CCDC7: variants seen among roughly 807,000 people sequenced by gnomAD.
CCDC7 encodes coiled-coil domain-containing protein 7.
A neutral mutation model predicts 196.9 loss-of-function variants in CCDC7; 183 were observed. The observed-to-expected ratio is 0.93, with a 90% confidence interval of 0.82 to 1.05. The LOEUF (loss-of-function observed/expected upper bound fraction) is 1.05, where lower values mean the gene tolerates loss of function less well. Among genes scored for constraint, CCDC7 ranks in the 50% least tolerant of loss-of-function variants. The pLI, the probability that CCDC7 is intolerant of heterozygous loss-of-function variation, is 0.00. For synonymous variants in CCDC7, 525 were observed against 484.6 expected, an observed-to-expected ratio of 1.08 and a Z score of -1.10; for missense variants, 1,540 against 1,482.2, an observed-to-expected ratio of 1.04 and a Z score of -0.64.
At chr10:32,704,809 A>G (rs941318090) in intron 24 of CCDC7, among the ~76,000 whole-genome samples, 1 of 152,124 alleles carries the variant, frequency 6.6e-6, no homozygotes, top group Admixed American at 6.5e-5. Context: ...GCACTCTCCG[A>G]GCCAGGCGCG....
At chr10:32,737,659 T>G (rs1253425378) in intron 28 of CCDC7, among the ~76,000 whole-genome samples, 1 of 152,220 alleles carries the variant, frequency 6.6e-6, no homozygotes, top group Non-Finnish European at 1.5e-5. Context: ...GTCTGTTTTC[T>G]TTGCAGTCCC....
At chr10:32,579,206 T>A (rs1435012563) in intron 16 of CCDC7, among the ~76,000 whole-genome samples, 1 of 152,186 alleles carries the variant, frequency 6.6e-6, no homozygotes, top group African/African-American at 2.4e-5. Context: ...GTTTCAGTAG[T>A]CCACTATGGA....
At chr10:32,665,847 AT>A (rs1320724956) in intron 21 of CCDC7, among the ~76,000 whole-genome samples, 1 of 151,942 alleles carries the variant, frequency 6.6e-6, no homozygotes, top group Non-Finnish European at 1.5e-5. Context: ...ATATCTTTTT[AT>A]TTATTTGTGC....
chr10:32,714,691 G>A (rs1252541916), intron 25 of CCDC7, among the ~76,000 whole-genome samples: 5 of 152,174 alleles, frequency 3.3e-5, no homozygotes, highest in African/African-American at 7.2e-5. Flanking sequence ...GTCAACCTGG[G>A]ATGCTCAAGC....
At chr10:32,563,871 A>G (rs1190920062) in intron 13 of CCDC7, among the ~76,000 whole-genome samples, 1 of 151,834 alleles carries the variant, frequency 6.6e-6, no homozygotes, top group Non-Finnish European at 1.5e-5. Flanking sequence ...GCAACCTACA[A>G]AATGGGAGAA....
intron 11 of CCDC7, among the ~76,000 whole-genome samples, chr10:32,526,552 C>A (rs1273605167): frequency 6.6e-6 from 1 of 152,122 alleles, no homozygotes; most frequent in African/African-American, 2.4e-5. Context: ...TGTCTCAGAG[C>A]CCAGGCCCAC....
intron 18 of CCDC7, among the ~76,000 whole-genome samples, chr10:32,625,436 A>C (rs1057120813): frequency 6.6e-6 from 1 of 151,452 alleles, no homozygotes; most frequent in Non-Finnish European, 1.5e-5. Flanking sequence ...TTAAATTTTT[A>C]AATTTTATTT....
At chr10:32,548,452 T>G (rs2052881554) in intron 13 of CCDC7, among the ~76,000 whole-genome samples, 1 of 152,054 alleles carries the variant, frequency 6.6e-6, no homozygotes, top group South Asian at 2.1e-4. Flanking sequence ...GAACTACTGA[T>G]TAGAACTGGT....
intron 25 of CCDC7, among the ~76,000 whole-genome samples, chr10:32,724,830 C>T (rs1315040681): frequency 6.6e-6 from 1 of 152,034 alleles, no homozygotes; most frequent in East Asian, 1.9e-4. Flanking sequence ...CATGGTTGGC[C>T]TGGAGAGATC....
At chr10:32,470,081 C>T (rs1226604356) in intron 5 of CCDC7, among the ~76,000 whole-genome samples, 1 of 152,130 alleles carries the variant, frequency 6.6e-6, no homozygotes, top group Non-Finnish European at 1.5e-5. Flanking sequence ...CTTGCCATAT[C>T]TTCCCTATAC....
At chr10:32,799,767 C>T (rs2084387593) in intron 29 of CCDC7, among the ~76,000 whole-genome samples, 1 of 152,242 alleles carries the variant, frequency 6.6e-6, no homozygotes, top group Non-Finnish European at 1.5e-5. Context: ...TGCTACTTCT[C>T]ACTCTCTGGA....
chr10:32,757,251 C>T (rs1021231297), intron 28 of CCDC7, among the ~76,000 whole-genome samples: 2 of 152,140 alleles, frequency 1.3e-5, no homozygotes, highest in Non-Finnish European at 2.9e-5. Flanking sequence ...ACCAAGTGGA[C>T]CTAATAGACA....
intron 41 of CCDC7, among the ~76,000 whole-genome samples, chr10:32,867,900 T>C (rs1042122569): frequency 1.8e-4 from 28 of 151,850 alleles, no homozygotes; most frequent in African/African-American, 4.8e-5. Context: ...ACTGAAACTC[T>C]CCCCATTAAA....
chr10:32,551,316 G>T (rs1276605868), intron 13 of CCDC7, among the ~76,000 whole-genome samples: 1 of 151,954 alleles, frequency 6.6e-6, no homozygotes, highest in African/African-American at 2.4e-5. Context: ...CTTGTTAATG[G>T]TCGATCAGTT....
At position 32,477,552 on chromosome 10, in the gene CCDC7, G is replaced by GTT. The variant is rs35299864; in HGVS notation, c.796+3541_796+3542dup. On this transcript the variant is annotated intron_variant, in intron 8 of 41. Coordinates refer to ENST00000639629, the Ensembl canonical transcript of CCDC7. ...TGTAAAGTCTATGTCTAGAGTCATT[G>GTT]TTTTTTTTTTTTTGCATTTGGATGT... 1.0e-3 allele frequency among the ~76,000 whole-genome samples: 149 copies of GTT among 142,272 alleles called. 1 individual carries two copies. The highest frequency in any genetic ancestry group is 2.1e-3 in the Non-Finnish European group (133 of 64,608). The allele number at this position is 142,272 out of a possible 152,430, so 93.3% of individuals were successfully genotyped here. A position where few individuals can be genotyped will look rare whatever the true frequency, so the allele number is the denominator to read the frequency against.
chr10:32,706,670 C>T (rs1050369242), intron 24 of CCDC7, among the ~76,000 whole-genome samples: 6 of 150,746 alleles, frequency 4.0e-5, no homozygotes, highest in Non-Finnish European at 7.4e-5. Context: ...TACAAACTAC[C>T]ATCAGAGAAT....
At chr10:32,867,417 CATCTACATATGA>C (rs2094240962) in intron 41 of CCDC7, among the ~76,000 whole-genome samples, 1 of 151,226 alleles carries the variant, frequency 6.6e-6, no homozygotes, top group Non-Finnish European at 1.5e-5. Context: ...ATAACACATA[CATCTACATATGA>C]ACATAGAGAA....
intron 21 of CCDC7, among the ~76,000 whole-genome samples, chr10:32,679,781 TAGTG>T (rs2075585160): frequency 6.6e-6 from 1 of 152,160 alleles, no homozygotes; most frequent in South Asian, 2.1e-4. Flanking sequence ...CTTCCTCTGG[TAGTG>T]AGACATTTTC....
chr10:32,638,127 T>G (rs1305596780), intron 20 of CCDC7, among the ~76,000 whole-genome samples: 1 of 152,230 alleles, frequency 6.6e-6, no homozygotes, highest in African/African-American at 2.4e-5. Flanking sequence ...AAAGAGATTT[T>G]GGGCTGAGAC....
Sources: gnomAD v4.1 joint callset for allele counts (sites outside exome capture counted in the v4.1 genomes callset) on GRCh38, gnomAD v4.1.1 for gene constraint, MANE v1.5 for transcripts, NCBI Gene and HGNC (gene_info 2026-07-23, HGNC 2026-07-21) for gene names.